Variants in KIAA1549L observed in about 807,000 individuals in gnomAD.
The protein encoded by KIAA1549L is UPF0606 protein KIAA1549L.
In KIAA1549L, 88 loss-of-function variants were observed where a neutral mutation model predicts 160.7. The ratio of observed to expected loss-of-function variants is 0.55; its 90% CI spans 0.46 to 0.65. The LOEUF (loss-of-function observed/expected upper bound fraction) is 0.65, where lower values mean the gene tolerates loss of function less well. Ranked by LOEUF, KIAA1549L falls within the 30% of genes least tolerant of loss-of-function variation. KIAA1549L has a pLI of 0.00. For missense variants in KIAA1549L, 2,258 were observed against 2,437.5 expected, an observed-to-expected ratio of 0.93 and a Z score of 1.55; for synonymous variants, 950 against 976.7, an observed-to-expected ratio of 0.97 and a Z score of 0.51.
At chr11:33,628,996 C>T (rs1349080304) in intron 16 of KIAA1549L, among the ~76,000 whole-genome samples, 1 of 151,328 alleles carries the variant, frequency 6.6e-6, no homozygotes, top group Non-Finnish European at 1.5e-5. Context: ...GACAAAAGCT[C>T]TCAGCATTTG....
intron 1 of KIAA1549L, among the ~76,000 whole-genome samples, chr11:33,490,625 C>G (rs1288829649): frequency 6.6e-6 from 1 of 152,146 alleles, no homozygotes; most frequent in African/African-American, 2.4e-5. Flanking sequence ...AATTAGCCAG[C>G]TTTTTCTAAA....
chr11:33,561,846 A>G (rs1190694351), intron 8 of KIAA1549L, 111 bp downstream of exon 8: 7 of 770,476 alleles, frequency 9.1e-6, no homozygotes, highest in Admixed American at 2.3e-5. Flanking sequence ...CTCCTGTCTT[A>G]TAAGTCAGGA....
In KIAA1549L at chr11:33,520,442, A is replaced by G. The variant is rs183722733; in HGVS notation, c.239-21360A>G. Among the ~76,000 whole-genome samples the G allele has an allele frequency of 5.3e-4, 81 of 152,226 alleles. 2 individuals carry two copies. In the South Asian group the frequency reaches 7.3e-3, roughly 14 times the overall value. ...ACATAATGCCTTCTTCAAAAAAAAAAAGGTAGTTCATTGATTTTCAGACTT... is the reference window on the plus strand; with the variant it reads ...ACATAATGCCTTCTTCAAAAAAAAAGAGGTAGTTCATTGATTTTCAGACTT... On this transcript the variant is annotated intron_variant, in intron 1 of 20. Coordinates refer to ENST00000658780, the MANE Select transcript of KIAA1549L (RefSeq NM_012194.3).
In KIAA1549L at chr11:33,499,879, T is replaced by G. The variant is rs113225070; in HGVS notation, c.239-41923T>G. ...GGAAAACATGGTCCTGGCCATTAGA[T>G]AAGTTCTTCAAGGCTTTTGATGTAT... On this transcript the variant is annotated intron_variant, in intron 1 of 20. Transcript: ENST00000658780. Among the ~76,000 whole-genome samples the G allele has an allele frequency of 1.3e-3, 195 of 152,334 alleles. 4 individuals are homozygous for G. Among genetic ancestry groups the G allele is most frequent in the African/African-American group, 4.5e-3 (188 of 41,584 alleles).
intron 12 of KIAA1549L, among the ~76,000 whole-genome samples, chr11:33,593,652 C>G (rs1250375489): frequency 6.6e-6 from 1 of 152,088 alleles, no homozygotes; most frequent in African/African-American, 2.4e-5. Context: ...CTGATAGATT[C>G]TTGTGGAGTG....
intron 1 of KIAA1549L, among the ~76,000 whole-genome samples, chr11:33,519,973 G>C: frequency 6.7e-6 from 1 of 150,208 alleles, no homozygotes; most frequent in Non-Finnish European, 1.5e-5. Flanking sequence ...ACTTTACTAA[G>C]GAATGACTGA....
At chr11:33,583,069 G>A (rs188447321) in intron 10 of KIAA1549L, among the ~76,000 whole-genome samples, 392 of 152,208 alleles carry the variant, frequency 2.6e-3, no homozygotes, top group Admixed American at 4.9e-3. Flanking sequence ...GTGAACTCTA[G>A]CATTTACTGA....
rs368704764 is a variant in KIAA1549L at position 33,543,389 on chromosome 11, C to T, written c.1826C>T (p.Ser609Phe). The change falls in exon 2 of 21, where the codon TCT becomes TTT. Residue 609 changes from serine (S) to phenylalanine (F), a missense_variant. Physicochemically the swap from Ser to Phe is radical, Grantham distance 155. Transcript: ENST00000658780. ...VSDFSTGSVS[S>F]PIITAPRTNP... Reference sequence around the variant, plus strand: ...GATTTCAGCACCGGTAGTGTCTCATCTCCCATCATTACAGCACCAAGGACG... The same window carrying T: ...GATTTCAGCACCGGTAGTGTCTCATTTCCCATCATTACAGCACCAAGGACG... The T allele has an allele frequency of 2.9e-5, 47 of 1,613,892 alleles. No individual in the cohort carries two copies. In the African/African-American group the frequency reaches 6.0e-4, roughly 21 times the overall value.
chr11:33,649,169 T>G (rs961050324), intron 17 of KIAA1549L, among the ~76,000 whole-genome samples: 1 of 152,056 alleles, frequency 6.6e-6, no homozygotes, highest in African/African-American at 2.4e-5. Flanking sequence ...TCTTCCAGGC[T>G]CTGATGAGAA....
At chr11:33,435,509 C>A (rs1163765946) in intron 1 of KIAA1549L, among the ~76,000 whole-genome samples, 1 of 151,694 alleles carries the variant, frequency 6.6e-6, no homozygotes, top group Non-Finnish European at 1.5e-5. Flanking sequence ...AGACTTGTTG[C>A]AAGTGAAGTA....
intron 1 of KIAA1549L, among the ~76,000 whole-genome samples, chr11:33,409,299 A>C (rs1306117319): frequency 6.6e-6 from 1 of 152,150 alleles, no homozygotes; most frequent in Non-Finnish European, 1.5e-5. Context: ...TCTTCATCAG[A>C]TCTTAGAAGG....
chr11:33,643,033 G>A (rs927925113), intron 16 of KIAA1549L, among the ~76,000 whole-genome samples: 11 of 152,162 alleles, frequency 7.2e-5, no homozygotes, highest in African/African-American at 2.4e-4. Context: ...CAGGTATAAT[G>A]AGAGCTAGTC....
chr11:33,655,636 C>T (rs1243595259), intron 17 of KIAA1549L, among the ~76,000 whole-genome samples: 9 of 152,108 alleles, frequency 5.9e-5, no homozygotes, highest in Non-Finnish European at 1.2e-4. Flanking sequence ...AGAGAGTGAT[C>T]GTTGCCATGA....
At chr11:33,531,317 A>G (rs1307980978) in intron 1 of KIAA1549L, among the ~76,000 whole-genome samples, 1 of 152,200 alleles carries the variant, frequency 6.6e-6, no homozygotes, top group African/African-American at 2.4e-5. Flanking sequence ...TACTAAAAAT[A>G]CAAAAAATTT....
chr11:33,548,358 C>G (rs534345132), intron 4 of KIAA1549L, among the ~76,000 whole-genome samples: 3 of 152,142 alleles, frequency 2.0e-5, no homozygotes, highest in Non-Finnish European at 4.4e-5. Flanking sequence ...GAGATCATGC[C>G]GCTGCACTCC....
intron 1 of KIAA1549L, among the ~76,000 whole-genome samples, chr11:33,430,008 T>G (rs921729357): frequency 1.0e-4 from 14 of 138,926 alleles, no homozygotes; most frequent in Admixed American, 2.9e-4. Flanking sequence ...TGCTCTGCCC[T>G]CCCTTCCTTC....
chr11:33,392,637 C>T (rs1182169806), intron 1 of KIAA1549L, among the ~76,000 whole-genome samples: 2 of 152,196 alleles, frequency 1.3e-5, no homozygotes, highest in Non-Finnish European at 2.9e-5. Flanking sequence ...TCTCTTCTCA[C>T]TCGCCCCACC....
chr11:33,440,169 G>T (rs1477935516), intron 1 of KIAA1549L, among the ~76,000 whole-genome samples: 1 of 114,160 alleles, frequency 8.8e-6, no homozygotes. Context: ...TCGCTCTGTC[G>T]CCCAGGCTGG....
At chr11:33,663,013 A>G (rs1852317871) in intron 20 of KIAA1549L, among the ~76,000 whole-genome samples, 1 of 152,214 alleles carries the variant, frequency 6.6e-6, no homozygotes, top group South Asian at 2.1e-4. Context: ...ATCACCTGCA[A>G]TTAAGCAGGG....
Sources: gnomAD v4.1 joint callset for allele counts (sites outside exome capture counted in the v4.1 genomes callset) on GRCh38, gnomAD v4.1.1 for gene constraint, MANE v1.5 for transcripts, NCBI Gene and HGNC (gene_info 2026-07-23, HGNC 2026-07-21) for gene names.